KIAA0825: variants seen among roughly 807,000 people sequenced by gnomAD.
KIAA0825 encodes uncharacterized protein KIAA0825.
In KIAA0825, 119 loss-of-function variants were observed where a neutral mutation model predicts 147.6. The ratio of observed to expected loss-of-function variants is 0.81; its 90% CI spans 0.69 to 0.94. The LOEUF is 0.94. KIAA0825 is among the 40% of genes least tolerant of loss of function. The probability of loss-of-function intolerance (pLI) is 0.00; values close to 1 mark genes in which losing one functional copy is unlikely to be tolerated. For synonymous variants in KIAA0825, 470 were observed against 518.1 expected (o/e 0.91, Z 1.26); for missense variants, 1,381 against 1,472.7 (o/e 0.94, Z 1.02).
At chr5:94,565,095 C>CTTTTTTTTTTT (rs1176429699) in intron 2 of KIAA0825, among the ~76,000 whole-genome samples, 1,080 of 52,898 alleles carry the variant, frequency 0.02, 154 homozygotes, top group African/African-American at 0.073. Flanking sequence ...TCTTGCTTTC[C>CTTTTTTTTTTT]TTTTTTTTTT....
intron 20 of KIAA0825, among the ~76,000 whole-genome samples, chr5:94,201,228 T>C (rs2150023597): frequency 6.6e-6 from 1 of 151,086 alleles, no homozygotes. Context: ...TAAATTTACA[T>C]GTAATTAATA....
At chr5:94,613,853 C>T (rs1419056453) in intron 1 of KIAA0825, among the ~76,000 whole-genome samples, 1 of 152,196 alleles carries the variant, frequency 6.6e-6, no homozygotes, top group African/African-American at 2.4e-5. Flanking sequence ...GAGGCTAACG[C>T]CTCATTATAT....
At chr5:94,161,680 G>A (rs764464638) in intron 20 of KIAA0825, among the ~76,000 whole-genome samples, 14 of 152,178 alleles carry the variant, frequency 9.2e-5, no homozygotes, top group Non-Finnish European at 2.1e-4. Context: ...GTTTGTTGAA[G>A]AAGACTTCGT....
chr5:94,418,465 C>T (rs547124408), intron 14 of KIAA0825, among the ~76,000 whole-genome samples: 1 of 132,440 alleles, frequency 7.6e-6, no homozygotes, highest in Non-Finnish European at 1.6e-5. Flanking sequence ...ATCCTCCCAA[C>T]CCTCCCCCAC....
At chr5:94,389,944 A>G (rs555642141) in intron 18 of KIAA0825, among the ~76,000 whole-genome samples, 5 of 152,340 alleles carry the variant, frequency 3.3e-5, no homozygotes, top group African/African-American at 1.2e-4. Context: ...CCCATCTGAT[A>G]GACATTACTA....
At chr5:94,371,676 G>A (rs1358465831) in intron 20 of KIAA0825, among the ~76,000 whole-genome samples, 1 of 152,124 alleles carries the variant, frequency 6.6e-6, no homozygotes, top group Non-Finnish European at 1.5e-5. Flanking sequence ...CAACACGGGG[G>A]AATTATGGAA....
chr5:94,479,320 A>T (rs1562539714), intron 6 of KIAA0825, among the ~76,000 whole-genome samples: 3 of 152,126 alleles, frequency 2.0e-5, no homozygotes, highest in Non-Finnish European at 4.4e-5. Flanking sequence ...TGCCTTTTTC[A>T]TAATGTCATA....
chr5:94,309,126 T>C (rs1778940273), intron 20 of KIAA0825, among the ~76,000 whole-genome samples: 3 of 151,818 alleles, frequency 2.0e-5, no homozygotes. Context: ...GTGAGTTAAG[T>C]TGGTGAAACA....
At chr5:94,470,177 CAG>C in intron 9 of KIAA0825, 66 bp from the exon 10 acceptor site, 31 of 1,164,364 alleles carry the variant, frequency 2.7e-5, no homozygotes, top group Non-Finnish European at 3.6e-5. Context: ...TAACAATCTC[CAG>C]TACTACAAAT....
At chr5:94,197,158 T>C (rs1021186294) in intron 20 of KIAA0825, among the ~76,000 whole-genome samples, 1 of 152,224 alleles carries the variant, frequency 6.6e-6, no homozygotes, top group African/African-American at 2.4e-5. Flanking sequence ...ATAATAGCCA[T>C]TCTGACTGGT....
chr5:94,576,980 T>C (rs111971381), intron 2 of KIAA0825, among the ~76,000 whole-genome samples: 2,587 of 152,358 alleles, frequency 0.017, 65 homozygotes, highest in African/African-American at 0.059. Flanking sequence ...TGCACAGCAA[T>C]TTAACGTATG....
At chr5:94,598,136 A>G (rs1241647373) in intron 1 of KIAA0825, among the ~76,000 whole-genome samples, 1 of 152,046 alleles carries the variant, frequency 6.6e-6, no homozygotes, top group East Asian at 1.9e-4. Flanking sequence ...TTTACTTTAT[A>G]AACTTAAAAT....
intron 20 of KIAA0825, among the ~76,000 whole-genome samples, chr5:94,218,399 T>C (rs1030195243): frequency 6.6e-6 from 1 of 152,190 alleles, no homozygotes; most frequent in Admixed American, 6.6e-5. Context: ...ACAGGCTGGG[T>C]TAGGGATGCC....
At chr5:94,518,118 C>T (rs774146369) in intron 5 of KIAA0825, among the ~76,000 whole-genome samples, 88 of 152,166 alleles carry the variant, frequency 5.8e-4, no homozygotes, top group Non-Finnish European at 8.8e-5. Flanking sequence ...GCAAAGATTT[C>T]GTGAGCATAA....
chr5:94,520,878 T>C lies in KIAA0825; in HGVS notation c.340A>G (p.Thr114Ala). The C allele has an allele frequency of 6.2e-7, 1 of 1,608,160 alleles. No individual in the cohort carries two copies. Residue 114 changes from threonine (T) to alanine (A), a missense_variant, in exon 5 of 21, where the codon ACA (threonine) becomes GCA (alanine). Transcript: ENST00000682413. ...LKNEQNQEEM[T>A]LDLLWDLSCH... is the part of the protein sequence containing the mutation. ...GAGAGGTCCCAAAGTAAATCCAATG[T>C]CATTTCTTCTTGATTTTGTTCATTC... is the stretch of plus-strand genomic sequence containing the variant.
At chr5:94,559,473 A>T (rs1171590457) in intron 2 of KIAA0825, among the ~76,000 whole-genome samples, 1 of 152,220 alleles carries the variant, frequency 6.6e-6, no homozygotes, top group Non-Finnish European at 1.5e-5. Flanking sequence ...AAATGAAAAC[A>T]AACTAACTAA....
intron 15 of KIAA0825, among the ~76,000 whole-genome samples, chr5:94,412,200 A>G (rs530714448): frequency 9.2e-5 from 14 of 152,322 alleles, no homozygotes; most frequent in African/African-American, 3.4e-4. Flanking sequence ...CACTAAGAAC[A>G]TGAAGAGGTG....
chr5:94,277,379 C>T (rs1777268788), intron 20 of KIAA0825, among the ~76,000 whole-genome samples: 1 of 151,980 alleles, frequency 6.6e-6, no homozygotes, highest in Admixed American at 6.6e-5. Flanking sequence ...GGCTAATATC[C>T]AGAATCTACA....
At chr5:94,302,054 C>T (rs1310207502) in intron 20 of KIAA0825, among the ~76,000 whole-genome samples, 1 of 152,130 alleles carries the variant, frequency 6.6e-6, no homozygotes, top group African/African-American at 2.4e-5. Context: ...TTATTAGAAG[C>T]TTCCCTGGCC....
Sources: allele counts gnomAD v4.1 joint callset (sites outside exome capture counted in the v4.1 genomes callset), GRCh38; gene constraint gnomAD v4.1.1; transcripts MANE v1.5; gene names NCBI Gene and HGNC (gene_info 2026-07-23, HGNC 2026-07-21).